The following ERMP1 variants were observed in gnomAD, a reference collection of about 807,000 sequenced individuals.
ERMP1 encodes endoplasmic reticulum metallopeptidase 1, also known as Felix-ina.
Under a neutral mutation model 92.0 loss-of-function variants are expected in ERMP1, and 86 were observed. That is an observed-to-expected ratio of 0.93 (90% CI 0.79 to 1.12). The LOEUF (loss-of-function observed/expected upper bound fraction) is 1.12, where lower values mean the gene tolerates loss of function less well. Among genes scored for constraint, ERMP1 ranks in the 50% most tolerant of loss-of-function variants. ERMP1 has a pLI of 0.00. For missense variants in ERMP1, 1,342 were observed against 1,116.3 expected (o/e 1.20, Z -2.88); for synonymous variants, 530 against 412.8 (o/e 1.28, Z -3.44).
At chr9:5,861,217 G>GTGTT (rs1830485669) in intron 5 of ERMP1, among the ~76,000 whole-genome samples, 1 of 145,724 alleles carries the variant, frequency 6.9e-6, no homozygotes, top group South Asian at 2.3e-4. Context: ...GTGTGTGTGT[G>GTGTT]TGTAAAAGCT....
chr9:5,825,475 T>C (rs1829697700), intron 2 of ERMP1, among the ~76,000 whole-genome samples: 1 of 152,198 alleles, frequency 6.6e-6, no homozygotes, highest in Non-Finnish European at 1.5e-5. Context: ...ACTCAATTAG[T>C]GTCTGCTAAA....
Position 5,787,584 on chromosome 9 carries a change from T to C in ERMP1, c.2396A>G (p.His799Arg), listed in dbSNP as rs1320816861. 1 of 1,612,228 alleles carries C rather than the reference T, an allele frequency of 6.2e-7. No homozygotes were observed. The highest frequency in any genetic ancestry group is 1.1e-5 in the South Asian group (1 of 90,910). The change falls in exon 14 of 15, where the codon CAT (histidine) becomes CGT (arginine). Residue 799 changes from histidine to arginine, a missense_variant. By Grantham distance (29) the His-to-Arg change is conservative (BLOSUM62 0). Coordinates refer to ENST00000339450, the MANE Select transcript of ERMP1 (RefSeq NM_024896.3). ...GTGGGCTCGAACATAGAAGGACATA[T>C]GGCTTGGTCCTGTAAGGTAAAAGGA... ...KLTFEATGPSHMSFYVRAHKG... is the reference protein window; with the variant it reads ...KLTFEATGPSRMSFYVRAHKG...
In ERMP1 at chr9:5,813,440, A is replaced by G. The variant is rs1829185387; in HGVS notation, c.875-405T>C. Among the ~76,000 whole-genome samples, 5 of 152,256 alleles carry G rather than the reference A, an allele frequency of 3.3e-5. No homozygotes were observed. In the South Asian group the frequency reaches 1.0e-3, roughly 32 times the overall value. ...AACATTATATTAAATGCATTTTCCT[A>G]TGTTGCTAGATACAAATTGGGTATA... On this transcript the variant is annotated intron_variant, in intron 4 of 14. Transcript: ENST00000339450.
At chr9:5,826,186 AAAC>A (rs1829725881) in intron 2 of ERMP1, among the ~76,000 whole-genome samples, 1 of 152,230 alleles carries the variant, frequency 6.6e-6, no homozygotes, top group African/African-American at 2.4e-5. Context: ...GGGGTTCATT[AAAC>A]AATTCTGCTT....
chr9:5,792,573 A>G (rs1272795705), intron 13 of ERMP1, among the ~76,000 whole-genome samples: 2 of 152,196 alleles, frequency 1.3e-5, no homozygotes, highest in African/African-American at 4.8e-5. Flanking sequence ...ATTGCTGGTC[A>G]ATTTAAGACT....
In ERMP1 at chr9:5,810,117, G is replaced by C. The variant is rs913395669; in HGVS notation, c.1442C>G (p.Ser481Cys). The part of the protein sequence containing the change: ...IAVFISLIGQ[S>C]LSWYNHFYVS... ...ATAGAAGTGGTTATACCATGAGAGA[G>C]ACTGTCCAATAAGAGAGATGAACAC... The change falls in exon 8 of 15, where the codon TCT becomes TGT. Residue 481 changes from serine (S) to cysteine (C), a missense_variant. Transcript: ENST00000339450. 3 of 1,613,664 alleles carry C rather than the reference G, an allele frequency of 1.9e-6. No individual in the cohort carries two copies. In the African/African-American group the frequency reaches 4.0e-5, roughly 22 times the overall value.
At chr9:5,797,970 T>C in intron 12 of ERMP1, 38 bp from the exon 13 acceptor site, 1 of 1,243,096 alleles carries the variant, frequency 8.0e-7, no homozygotes, top group South Asian at 1.2e-5. Flanking sequence ...GGGTGCTTTA[T>C]TATTTGATGG....
intron 10 of ERMP1, among the ~76,000 whole-genome samples, chr9:5,801,675 A>G (rs2760409): frequency 0.058 from 8,843 of 152,298 alleles, 816 homozygotes; most frequent in African/African-American, 0.19. Context: ...TCATTAAATA[A>G]CCAGAGATAA....
intron 7 of ERMP1, among the ~76,000 whole-genome samples, chr9:5,810,566 G>A (rs555062790): frequency 2.0e-5 from 3 of 152,186 alleles, no homozygotes; most frequent in Admixed American, 6.5e-5. Context: ...ATATTAGCAA[G>A]AATGGAAGGC....
At chr9:5,814,730 A>G (rs1164428493) in intron 4 of ERMP1, among the ~76,000 whole-genome samples, 1 of 152,174 alleles carries the variant, frequency 6.6e-6, no homozygotes, top group Non-Finnish European at 1.5e-5. Flanking sequence ...ACTCCATCTG[A>G]AAAAATAAAA....
Position 5,832,864 on chromosome 9 carries a change from C to T in ERMP1, c.164G>A (p.Gly55Glu). 1 of 1,521,454 alleles carries T rather than the reference C, an allele frequency of 6.6e-7. No homozygotes were observed. Among genetic ancestry groups the T allele is most frequent in the Non-Finnish European group, 8.7e-7 (1 of 1,143,690 alleles). The allele number at this position is 1,521,454 out of a possible 1,614,324, so 94.2% of individuals were successfully genotyped here. The change falls in exon 1 of 15, where the codon GGG becomes GAG. Residue 55 changes from glycine (G) to glutamate (E), a missense_variant. Gly to Glu is a moderately conservative substitution (Grantham distance 98). Coordinates refer to ENST00000339450, the MANE Select transcript of ERMP1 (RefSeq NM_024896.3). ...GGGRTRKRSP[G>E]GSGGASRGAG... The stretch of plus-strand genomic sequence containing the variant: ...GCCCCTGCTCGCGCCGCCGCTACCC[C>T]CGGGGCTCCTCTTCCGCGTCCTCCC...
At chr9:5,819,510 G>A (rs147980151) in intron 4 of ERMP1, among the ~76,000 whole-genome samples, 6 of 152,258 alleles carry the variant, frequency 3.9e-5, no homozygotes, top group African/African-American at 1.4e-4. Flanking sequence ...ATCTCAGACT[G>A]GTGCCACCCT....
chr9:5,832,718 G>C lies in ERMP1; in HGVS notation c.310C>G (p.Arg104Gly), dbSNP rs750864682. The change falls in exon 1 of 15, where the codon CGC becomes GGC. Residue 104 changes from arginine (R) to glycine (G), a missense_variant. Arg to Gly is a moderately radical substitution (Grantham distance 125, BLOSUM62 -2). Transcript: ENST00000339450. Reference protein sequence around the residue: ...QLVLRGAAGHRGEFDALQARD... With the variant: ...QLVLRGAAGHGGEFDALQARD... ...GCTTGGAGCGCGTCGAACTCCCCGC[G>C]GTGTCCAGCGGCCCCGCGTAGCACG... 2.0e-6 allele frequency: 3 copies of C among 1,488,096 alleles called. No individual in the cohort carries two copies. Among genetic ancestry groups the C allele is most frequent in the Middle Eastern group, 2.3e-4 (1 of 4,262 alleles). The allele number at this position is 1,488,096 out of a possible 1,614,324, so 92.2% of individuals were successfully genotyped here.
At chr9:5,799,776 C>CA (rs1828599076) in intron 11 of ERMP1, among the ~76,000 whole-genome samples, 2 of 152,292 alleles carry the variant, frequency 1.3e-5, no homozygotes, top group Non-Finnish European at 2.9e-5. Context: ...AGAGAACCCC[C>CA]AAACAAATCA....
At chr9:5,827,051 A>G (rs1042842531) in intron 2 of ERMP1, among the ~76,000 whole-genome samples, 1 of 152,204 alleles carries the variant, frequency 6.6e-6, no homozygotes, top group Non-Finnish European at 1.5e-5. Context: ...CACCCCCAAA[A>G]TAACTCAATG....
chr9:5,835,348 GAA>G (rs1491096417), upstream of ERMP1, among the ~76,000 whole-genome samples: 2 of 135,294 alleles, frequency 1.5e-5, no homozygotes, highest in Non-Finnish European at 3.3e-5. Flanking sequence ...AAGAGACAAT[GAA>G]CGCGCGCGCG....
intron 6 of ERMP1, chr9:5,856,007 C>A: frequency 3.1e-6 from 1 of 322,094 alleles, no homozygotes; most frequent in East Asian, 9.8e-5. Context: ...GTCATCAATC[C>A]CATGTACACC....
At chr9:5,845,823 A>G (rs1198323155) in intron 6 of ERMP1, among the ~76,000 whole-genome samples, 2 of 152,128 alleles carry the variant, frequency 1.3e-5, no homozygotes, top group African/African-American at 4.8e-5. Flanking sequence ...AGTAGGCCTG[A>G]GGAGTATTTT....
At chr9:5,829,239 C>T (rs1307205000) in intron 2 of ERMP1, among the ~76,000 whole-genome samples, 1 of 129,946 alleles carries the variant, frequency 7.7e-6, no homozygotes, top group Non-Finnish European at 1.6e-5. Flanking sequence ...AAAAAAAAAA[C>T]ACTAAACCAC....
Sources: gnomAD v4.1 joint callset for allele counts (sites outside exome capture counted in the v4.1 genomes callset) on GRCh38, gnomAD v4.1.1 for gene constraint, MANE v1.5 for transcripts, NCBI Gene and HGNC (gene_info 2026-07-23, HGNC 2026-07-21) for gene names.